Variants in ZNF454 observed in about 807,000 individuals in gnomAD.
ZNF454 encodes the protein zinc finger protein 454.
ZNF454 carries 30 observed loss-of-function variants against 48.2 expected under a neutral mutation model. The observed-to-expected ratio is 0.62, with a 90% CI of 0.47 to 0.84. The LOEUF (loss-of-function observed/expected upper bound fraction) is 0.84, where lower values mean the gene tolerates loss of function less well. ZNF454 is among the 40% of genes least tolerant of loss of function. ZNF454 has a pLI of 0.00. For missense variants in ZNF454, 510 were observed against 623.1 expected (o/e 0.82, Z 1.93); for synonymous variants, 204 against 211.4 (o/e 0.97, Z 0.30).
chr5:178,982,708 A>G, the ZNF454 span: 6 of 544,694 alleles, frequency 1.1e-5, no homozygotes, highest in East Asian at 5.8e-5. Context: ...AAAAAAAGAA[A>G]AAAAGAAGAG....
the ZNF454 span, among the ~76,000 whole-genome samples, chr5:178,977,233 C>A: frequency 6.6e-6 from 1 of 152,128 alleles, no homozygotes; most frequent in Non-Finnish European, 1.5e-5. Context: ...GAGATCCTAA[C>A]CCCCATTGTA....
chr5:178,943,295 G>A (rs1759183887), intron 2 of ZNF454, among the ~76,000 whole-genome samples: 1 of 152,170 alleles, frequency 6.6e-6, no homozygotes, highest in Non-Finnish European at 1.5e-5. Context: ...AGAAGGTGAA[G>A]GGGGAGCAGG....
At chr5:178,982,527 A>G in the ZNF454 span, among the ~76,000 whole-genome samples, 1 of 134,978 alleles carries the variant, frequency 7.4e-6, no homozygotes, top group Non-Finnish European at 1.5e-5. Flanking sequence ...CAGTGAGCCA[A>G]GATCACGCCA....
chr5:178,945,206 CTG>C (rs932561112), intron 2 of ZNF454, among the ~76,000 whole-genome samples: 8 of 148,610 alleles, frequency 5.4e-5, no homozygotes, highest in East Asian at 4.0e-4. Flanking sequence ...GTGTATGTGT[CTG>C]TGTGTTTGTG....
intron 4 of ZNF454, among the ~76,000 whole-genome samples, chr5:178,962,829 A>G (rs944542763): frequency 6.6e-6 from 1 of 151,758 alleles, no homozygotes; most frequent in East Asian, 2.0e-4. Flanking sequence ...CTTCCCTGGT[A>G]GCAGCTAGAG....
the ZNF454 span, chr5:178,986,442 C>T: frequency 6.2e-7 from 1 of 1,613,246 alleles, no homozygotes; most frequent in Non-Finnish European, 8.5e-7. Flanking sequence ...CGAAGGTGGC[C>T]ACCACCGTGG....
In ZNF454 at chr5:178,941,206, G is replaced by A. The variant is rs1759069716; in HGVS notation, c.-346G>A. On this transcript the variant is annotated 5_prime_UTR_variant, in exon 1 of 5. Coordinates refer to ENST00000519564, the MANE Select transcript of ZNF454 (RefSeq NM_001178089.3). This position sits in a 1 kb window ranked among gnomAD's most constrained non-coding sequence, Gnocchi z 5.5. ...ACGCGCAAGCGCAGTTCGGCTCCCG[G>A]CTGCAGACTCCAGCTCATTGTGTTC... 1 of 357,330 alleles carries A rather than the reference G, an allele frequency of 2.8e-6. No homozygotes were observed. The highest frequency in any genetic ancestry group is 2.1e-5 in the African/African-American group (1 of 46,796). The allele number at this position is 357,330 out of a possible 1,614,324, so 22.1% of individuals were successfully genotyped here.
At chr5:178,945,088 G>GGT (rs1759260785) in intron 2 of ZNF454, among the ~76,000 whole-genome samples, 1 of 97,094 alleles carries the variant, frequency 1.0e-5, no homozygotes, top group African/African-American at 4.1e-5. Flanking sequence ...TTTGTGGGGG[G>GGT]GTGTGTGTGT....
chr5:178,948,714 A>G (rs755023270), intron 4 of ZNF454, among the ~76,000 whole-genome samples: 14 of 152,118 alleles, frequency 9.2e-5, no homozygotes, highest in Non-Finnish European at 2.1e-4. Context: ...GACGTCAGAG[A>G]AGACTTAATT....
chr5:178,945,097 GTTC>G (rs1759262789), intron 2 of ZNF454, among the ~76,000 whole-genome samples: 1 of 101,094 alleles, frequency 9.9e-6, no homozygotes, highest in Non-Finnish European at 2.1e-5. Context: ...GGGTGTGTGT[GTTC>G]GGGTGTGTGT....
At chr5:178,957,960 G>T (rs914517561) in intron 4 of ZNF454, among the ~76,000 whole-genome samples, 1 of 151,664 alleles carries the variant, frequency 6.6e-6, no homozygotes, top group East Asian at 1.9e-4. Context: ...CTTATACATA[G>T]ATGATGTGTT....
intron 2 of ZNF454, among the ~76,000 whole-genome samples, chr5:178,943,705 C>T (rs181282769): frequency 6.9e-4 from 105 of 152,280 alleles, no homozygotes; most frequent in African/African-American, 1.6e-3. Context: ...ATTCCTAAAA[C>T]GCTTTGAGCA....
At chr5:178,959,658 T>C (rs1257486490) in intron 4 of ZNF454, among the ~76,000 whole-genome samples, 1 of 152,018 alleles carries the variant, frequency 6.6e-6, no homozygotes, top group African/African-American at 2.4e-5. Context: ...CAGGCTGGAG[T>C]GCAGTGGCAC....
chr5:178,984,819 C>T, the ZNF454 span, among the ~76,000 whole-genome samples: 1 of 152,102 alleles, frequency 6.6e-6, no homozygotes, highest in Non-Finnish European at 1.5e-5. Context: ...GAGTGGACAG[C>T]ACCGGGAGTG....
intron 4 of ZNF454, among the ~76,000 whole-genome samples, chr5:178,954,436 C>T (rs1168301861): frequency 1.3e-5 from 2 of 152,116 alleles, no homozygotes; most frequent in Non-Finnish European, 2.9e-5. Context: ...GATTGGTCTT[C>T]TAATTTTCTT....
chr5:178,986,459 C>T, the ZNF454 span: 1 of 1,612,682 alleles, frequency 6.2e-7, no homozygotes, highest in Admixed American at 1.7e-5. Flanking sequence ...GTGGTAGTGG[C>T]CACGATGCCC....
intron 2 of ZNF454, among the ~76,000 whole-genome samples, chr5:178,943,480 C>T (rs1200406418): frequency 6.6e-6 from 1 of 152,144 alleles, no homozygotes; most frequent in Non-Finnish European, 1.5e-5. Context: ...CCAGGCCCCC[C>T]CTCCAACATT....
the ZNF454 span, chr5:178,989,234 C>T: frequency 6.3e-5 from 90 of 1,423,980 alleles, no homozygotes; most frequent in Non-Finnish European, 8.2e-5. Context: ...TCCCCACCCT[C>T]CCCACCCTCA....
chr5:178,953,668 T>C (rs1336168190), intron 4 of ZNF454, among the ~76,000 whole-genome samples: 1 of 152,196 alleles, frequency 6.6e-6, no homozygotes, highest in Non-Finnish European at 1.5e-5. Context: ...TCTTTTTTAC[T>C]CCCTGACACT....
Sources: allele counts gnomAD v4.1 joint callset (sites outside exome capture counted in the v4.1 genomes callset), GRCh38; gene constraint gnomAD v4.1.1; non-coding constraint Gnocchi (gnomAD v3.1); transcripts MANE v1.5; gene names NCBI Gene and HGNC (gene_info 2026-07-23, HGNC 2026-07-21).